Variants in BLTP3A observed in about 807,000 individuals in gnomAD.
BLTP3A encodes the protein bridge-like lipid transfer protein family member 3A.
the BLTP3A span, among the ~76,000 whole-genome samples, chr6:34,809,315 C>A: frequency 3.5e-4 from 53 of 152,190 alleles, no homozygotes; most frequent in Middle Eastern, 6.8e-3. Flanking sequence ...ATTGATTGAG[C>A]CCAGGAGGTT....
At chr6:34,836,389 C>T in the BLTP3A span, 23 of 1,577,960 alleles carry the variant, frequency 1.5e-5, no homozygotes, top group African/African-American at 2.7e-5. Flanking sequence ...TGGTCCACGT[C>T]ACTGTCTAGC....
the BLTP3A span, among the ~76,000 whole-genome samples, chr6:34,818,616 A>G: frequency 6.6e-6 from 1 of 152,212 alleles, no homozygotes; most frequent in South Asian, 2.1e-4. Flanking sequence ...ATGAAAAGCC[A>G]TACAGTCACC....
chr6:34,856,471 A>G, the BLTP3A span: 1 of 1,557,188 alleles, frequency 6.4e-7, no homozygotes, highest in East Asian at 2.3e-5. Context: ...TCTTTGAATA[A>G]CAGTGGAGAT....
the BLTP3A span, among the ~76,000 whole-genome samples, chr6:34,848,283 CAA>C: frequency 7.0e-6 from 1 of 142,824 alleles, no homozygotes; most frequent in African/African-American, 2.6e-5. Flanking sequence ...GACCCTGTCT[CAA>C]AAAAAAAAAT....
At chr6:34,823,967 G>A in the BLTP3A span, among the ~76,000 whole-genome samples, 1 of 151,014 alleles carries the variant, frequency 6.6e-6, no homozygotes, top group Non-Finnish European at 1.5e-5. Flanking sequence ...TTTTGAGATG[G>A]GGTCTCACCC....
the BLTP3A span, among the ~76,000 whole-genome samples, chr6:34,798,341 A>C: frequency 6.6e-6 from 1 of 152,212 alleles, no homozygotes; most frequent in Non-Finnish European, 1.5e-5. Flanking sequence ...GAACAGCGCT[A>C]CTAGAAACAT....
the BLTP3A span, among the ~76,000 whole-genome samples, chr6:34,830,596 GA>G: frequency 1.4e-4 from 21 of 146,458 alleles, 1 homozygote; most frequent in South Asian, 1.5e-3. Flanking sequence ...TCTCGGCGGG[GA>G]AAAAAAAAAC....
At chr6:34,856,679 C>A in the BLTP3A span, 1 of 1,399,726 alleles carries the variant, frequency 7.1e-7, no homozygotes, top group Non-Finnish European at 9.7e-7. Context: ...CAGTGTTAAG[C>A]TCTCTTTCCT....
chr6:34,872,283 T>C, the BLTP3A span: 27 of 1,589,136 alleles, frequency 1.7e-5, no homozygotes, highest in Non-Finnish European at 2.3e-5. Flanking sequence ...TATTACCGTA[T>C]TTAACTGTTA....
At chr6:34,872,006 G>T in the BLTP3A span, 1 of 1,408,160 alleles carries the variant, frequency 7.1e-7, no homozygotes, top group Non-Finnish European at 9.8e-7. Flanking sequence ...GGGTTGGGGG[G>T]CAAAAAGGTT....
chr6:34,796,794 C>G, the BLTP3A span, among the ~76,000 whole-genome samples: 3 of 152,150 alleles, frequency 2.0e-5, no homozygotes, highest in South Asian at 4.1e-4. Flanking sequence ...ACCTCTGCCC[C>G]CCCGAGTTCA....
At chr6:34,838,284 A>G in the BLTP3A span, among the ~76,000 whole-genome samples, 3 of 152,196 alleles carry the variant, frequency 2.0e-5, no homozygotes, top group Non-Finnish European at 2.9e-5. Flanking sequence ...ATCCATTTTT[A>G]TATACATAAA....
chr6:34,844,387 GC>G, the BLTP3A span, among the ~76,000 whole-genome samples: 1 of 152,146 alleles, frequency 6.6e-6, no homozygotes, highest in South Asian at 2.1e-4. Context: ...CAATTCTCAT[GC>G]CTCACCCTCC....
At chr6:34,856,817 C>A in the BLTP3A span, 1 of 1,613,964 alleles carries the variant, frequency 6.2e-7, no homozygotes, top group African/African-American at 1.3e-5. Flanking sequence ...CGAAAGAACC[C>A]TCTTGAGAGA....
the BLTP3A span, chr6:34,835,544 C>A: frequency 6.8e-7 from 1 of 1,461,338 alleles, no homozygotes; most frequent in Admixed American, 2.4e-5. Flanking sequence ...TAGGTGGAAT[C>A]TAGACTTTAT....
At chr6:34,858,153 G>C in the BLTP3A span, 1 of 1,613,846 alleles carries the variant, frequency 6.2e-7, no homozygotes. Flanking sequence ...AGAGAGAGCG[G>C]GCAGAGTTGC....
chr6:34,855,557 G>C, the BLTP3A span: 355 of 1,590,752 alleles, frequency 2.2e-4, 5 homozygotes, highest in South Asian at 3.7e-3. Flanking sequence ...GCATGCTTTA[G>C]GTGGTGGTTT....
At chr6:34,835,507 G>A in the BLTP3A span, 3 of 1,589,658 alleles carry the variant, frequency 1.9e-6, no homozygotes, top group Non-Finnish European at 2.6e-6. Flanking sequence ...TAGGGACTCA[G>A]TAGGCCAGAC....
At chr6:34,839,837 C>G in the BLTP3A span, among the ~76,000 whole-genome samples, 2 of 152,252 alleles carry the variant, frequency 1.3e-5, no homozygotes, top group South Asian at 4.1e-4. Flanking sequence ...GTTCCTGGCT[C>G]TCCCTTGCCT....
Sources: allele counts gnomAD v4.1 joint callset (sites outside exome capture counted in the v4.1 genomes callset), GRCh38; gene constraint gnomAD v4.1.1; transcripts MANE v1.5; gene names NCBI Gene and HGNC (gene_info 2026-07-23, HGNC 2026-07-21).